CTNND2: variants seen among roughly 807,000 people sequenced by gnomAD.
The protein encoded by CTNND2 is catenin delta 2, also known as catenin delta-2.
A neutral mutation model predicts 144.4 loss-of-function variants in CTNND2; 22 were observed. That is an observed-to-expected ratio of 0.15 (90% CI 0.11 to 0.22). The LOEUF is 0.22. CTNND2 is among the 10% of genes least tolerant of loss of function. CTNND2 has a pLI of 1.00. For synonymous variants in CTNND2, 751 were observed against 695.6 expected (o/e 1.08, Z -1.25); for missense variants, 1,353 against 1,618.8 (o/e 0.84, Z 2.82).
At chr5:11,072,655 G>C (rs1247582133) in intron 16 of CTNND2, among the ~76,000 whole-genome samples, 3 of 152,236 alleles carry the variant, frequency 2.0e-5, no homozygotes, top group African/African-American at 7.2e-5. Context: ...CCTTTGACTG[G>C]AGTCTGGCAG....
At chr5:11,395,267 C>G (rs1759983226) in intron 6 of CTNND2, among the ~76,000 whole-genome samples, 1 of 152,112 alleles carries the variant, frequency 6.6e-6, no homozygotes, top group Non-Finnish European at 1.5e-5. Flanking sequence ...AATAAGCATC[C>G]CTTTCATACT....
At chr5:11,197,648 C>G (rs373103201) in intron 11 of CTNND2, among the ~76,000 whole-genome samples, 17 of 152,160 alleles carry the variant, frequency 1.1e-4, no homozygotes, top group Admixed American at 6.5e-4. Context: ...ACGGCCGACA[C>G]CCAGAAGCTG....
At chr5:11,781,722 A>T (rs1197578482) in intron 1 of CTNND2, among the ~76,000 whole-genome samples, 1 of 152,166 alleles carries the variant, frequency 6.6e-6, no homozygotes, top group Non-Finnish European at 1.5e-5. Context: ...TAAACATTTC[A>T]TTACTGATCT....
At position 11,882,950 on chromosome 5, in the gene CTNND2, A is replaced by G. The variant is rs548439521; in HGVS notation, c.37+20867T>C. Among the ~76,000 whole-genome samples, 9 of 152,164 alleles carry G rather than the reference A, an allele frequency of 5.9e-5. No homozygotes were observed. In the South Asian group the frequency reaches 1.9e-3, roughly 32 times the overall value. On this transcript the variant is annotated intron_variant, in intron 1 of 21. Coordinates refer to ENST00000304623, the MANE Select transcript of CTNND2 (RefSeq NM_001332.4). Reference sequence around the variant, plus strand: ...AATTATTCCAATCCATGAACATGGGATATTTTTCTATTTTTGTGTCCTCTT... The same window carrying G: ...AATTATTCCAATCCATGAACATGGGGTATTTTTCTATTTTTGTGTCCTCTT...
At position 11,511,081 on chromosome 5, in the gene CTNND2, T is replaced by C. The variant is rs537036062; in HGVS notation, c.287+53863A>G. Reference sequence around the variant, plus strand: ...TCCAAGTATGCTAACTGTATGCTAATGAGGCCTTGCACAGTAAAAGCCCTG... The same window carrying C: ...TCCAAGTATGCTAACTGTATGCTAACGAGGCCTTGCACAGTAAAAGCCCTG... On this transcript the variant is annotated intron_variant, in intron 3 of 21. Coordinates refer to ENST00000304623, the MANE Select transcript of CTNND2 (RefSeq NM_001332.4). 1.2e-4 allele frequency among the ~76,000 whole-genome samples: 18 copies of C among 152,364 alleles called. No individual in the cohort carries two copies. In the South Asian group the frequency reaches 3.3e-3, roughly 28 times the overall value.
intron 2 of CTNND2, among the ~76,000 whole-genome samples, chr5:11,645,797 TA>T (rs1782314386): frequency 6.6e-6 from 1 of 152,156 alleles, no homozygotes; most frequent in African/African-American, 2.4e-5. Flanking sequence ...GCATAAAGAA[TA>T]AAATAACAAT....
intron 8 of CTNND2, among the ~76,000 whole-genome samples, chr5:11,357,538 G>A (rs992606506): frequency 6.6e-6 from 1 of 152,078 alleles, no homozygotes; most frequent in African/African-American, 2.4e-5. Context: ...GGGAGGGGAG[G>A]AGGATGAACA....
At chr5:11,259,642 A>G (rs1440535701) in intron 9 of CTNND2, among the ~76,000 whole-genome samples, 1 of 152,224 alleles carries the variant, frequency 6.6e-6, no homozygotes, top group African/African-American at 2.4e-5. Context: ...AATGACATAT[A>G]GGAAGAGCTT....
At chr5:11,526,047 G>A (rs1034559112) in intron 3 of CTNND2, among the ~76,000 whole-genome samples, 2 of 152,132 alleles carry the variant, frequency 1.3e-5, no homozygotes, top group South Asian at 2.1e-4. Flanking sequence ...GGAATTGCAC[G>A]TGTGTGCCAC....
intron 1 of CTNND2, among the ~76,000 whole-genome samples, chr5:11,775,982 A>G (rs1398451270): frequency 6.6e-6 from 1 of 152,092 alleles, no homozygotes; most frequent in Non-Finnish European, 1.5e-5. Context: ...CCACGAGCCA[A>G]CTCCAAGGAT....
intron 9 of CTNND2, among the ~76,000 whole-genome samples, chr5:11,302,457 C>T (rs1295124239): frequency 2.0e-5 from 3 of 152,128 alleles, no homozygotes; most frequent in African/African-American, 7.2e-5. Context: ...CAGTCTGTTC[C>T]TTGTGCTACT....
At position 11,231,430 on chromosome 5, in the gene CTNND2, G is replaced by A. The variant is rs143269643; in HGVS notation, c.1761+5261C>T. Reference sequence around the variant, plus strand: ...AATGGCTTTGACCAAAATGCTGATAGTGATATGGACAAGGAAGTCCAGGCT... The same window carrying A: ...AATGGCTTTGACCAAAATGCTGATAATGATATGGACAAGGAAGTCCAGGCT... On this transcript the variant is annotated intron_variant, in intron 10 of 21. Coordinates refer to ENST00000304623, the MANE Select transcript of CTNND2 (RefSeq NM_001332.4). Among the ~76,000 whole-genome samples the A allele has an allele frequency of 1.5e-3, 221 of 152,312 alleles. 5 individuals carry two copies. The East Asian group carries it at 0.04, about 28-fold the overall frequency.
At chr5:11,246,268 T>A (rs1160134254) in intron 9 of CTNND2, among the ~76,000 whole-genome samples, 2 of 152,164 alleles carry the variant, frequency 1.3e-5, no homozygotes, top group African/African-American at 2.4e-5. Context: ...AGAATTCATG[T>A]CCTCCTGGAA....
chr5:11,426,607 G>A (rs1168307549), intron 3 of CTNND2, among the ~76,000 whole-genome samples: 1 of 152,212 alleles, frequency 6.6e-6, no homozygotes, highest in Non-Finnish European at 1.5e-5. Flanking sequence ...TGTGTTGTGG[G>A]AGTTGAGTGA....
At chr5:11,116,920 G>A (rs1346338860) in intron 13 of CTNND2, among the ~76,000 whole-genome samples, 1 of 152,130 alleles carries the variant, frequency 6.6e-6, no homozygotes, top group South Asian at 2.1e-4. Context: ...ATAGCCGGGT[G>A]TGGTGGTGCA....
chr5:11,588,582 A>T (rs1197600350), intron 2 of CTNND2, among the ~76,000 whole-genome samples: 1 of 152,230 alleles, frequency 6.6e-6, no homozygotes, highest in Admixed American at 6.5e-5. Context: ...TAAATTGATA[A>T]CTGTGAGGTC....
chr5:11,168,175 C>A lies in CTNND2; in HGVS notation c.1976-8416G>T, dbSNP rs950172047. On this transcript the variant is annotated intron_variant, in intron 11 of 21. Transcript: ENST00000304623. Reference sequence around the variant, plus strand: ...TGTATCTATGATCTCTCTTTTCATTCTAAAATGGAGTATACATATCCTAGT... The same window carrying A: ...TGTATCTATGATCTCTCTTTTCATTATAAAATGGAGTATACATATCCTAGT... Among the ~76,000 whole-genome samples the A allele has an allele frequency of 2.0e-5, 3 of 151,998 alleles. No individual in the cohort carries two copies. In the South Asian group the frequency reaches 6.2e-4, roughly 32 times the overall value.
chr5:11,903,264 T>C lies in CTNND2; in HGVS notation c.37+553A>G, dbSNP rs906219043. On this transcript the variant is annotated intron_variant, in intron 1 of 21. Transcript: ENST00000304623. The surrounding 1 kb of genome is among the most constrained non-coding windows in gnomAD (Gnocchi z 5.4). ...TGTGAAGCCGGCTGCAAAGGCTTGC[T>C]GGGAAGCCGCTAAATATAGACCAAG... is the stretch of plus-strand genomic sequence containing the variant. The C allele has an allele frequency of 1.2e-5, 12 of 985,256 alleles. No homozygotes were observed. The African/African-American group carries it at 1.2e-4, about 10-fold the overall frequency. 61.0% of individuals were successfully genotyped at this position (985,256 alleles called of 1,614,324 possible). A position where few individuals can be genotyped will look rare whatever the true frequency, so the allele number is the denominator to read the frequency against.
intron 2 of CTNND2, among the ~76,000 whole-genome samples, chr5:11,597,619 G>C (rs891108155): frequency 3.9e-5 from 6 of 152,122 alleles, no homozygotes; most frequent in African/African-American, 1.4e-4. Context: ...AGTCACCCAG[G>C]CTTGTGTGCA....
Sources: gnomAD v4.1 joint callset for allele counts (sites outside exome capture counted in the v4.1 genomes callset) on GRCh38, gnomAD v4.1.1 for gene constraint, Gnocchi (gnomAD v3.1) non-coding constraint, MANE v1.5 for transcripts, NCBI Gene and HGNC (gene_info 2026-07-23, HGNC 2026-07-21) for gene names.